The following KIF26B variants were observed in gnomAD, a reference collection of about 807,000 sequenced individuals.
The protein encoded by KIF26B is kinesin-like protein KIF26B.
A neutral mutation model predicts 151.2 loss-of-function variants in KIF26B; 63 were observed. That is an observed-to-expected ratio of 0.42 (90% CI 0.34 to 0.51). KIF26B has a LOEUF of 0.51. Among genes scored for constraint, KIF26B ranks in the 20% least tolerant of loss-of-function variants. The pLI is 0.07. For synonymous variants in KIF26B, 1,357 were observed against 1,262.1 expected, an observed-to-expected ratio of 1.08 and a Z score of -1.59; for missense variants, 2,813 against 2,913.6, an observed-to-expected ratio of 0.97 and a Z score of 0.79.
intron 4 of KIF26B, among the ~76,000 whole-genome samples, chr1:245,539,684 A>G (rs1197707007): frequency 6.6e-6 from 1 of 151,902 alleles, no homozygotes. Flanking sequence ...ACGGAGTCTC[A>G]CTCTGTCACC....
At chr1:245,513,216 C>A (rs561919852) in intron 4 of KIF26B, among the ~76,000 whole-genome samples, 29 of 151,014 alleles carry the variant, frequency 1.9e-4, no homozygotes, top group African/African-American at 5.6e-4. Context: ...GCACCCCCCC[C>A]CAACCCCGCC....
chr1:245,202,715 G>T (rs1215316133), intron 2 of KIF26B, among the ~76,000 whole-genome samples: 1 of 146,266 alleles, frequency 6.8e-6, no homozygotes, highest in Non-Finnish European at 1.5e-5. Context: ...AGCTGAGATC[G>T]CGCTGCTGCA....
At chr1:245,656,771 G>C (rs970653341) in intron 10 of KIF26B, among the ~76,000 whole-genome samples, 2 of 152,094 alleles carry the variant, frequency 1.3e-5, no homozygotes, top group African/African-American at 4.8e-5. Context: ...TTTCACAACT[G>C]GTTCAGGCCC....
intron 2 of KIF26B, among the ~76,000 whole-genome samples, chr1:245,217,316 C>CAAATGACTCTCAA (rs1462813344): frequency 1.5e-4 from 22 of 151,722 alleles, no homozygotes; most frequent in African/African-American, 5.1e-4. Context: ...ATTTGGACAA[C>CAAATGACTCTCAA]AAATGACTCT....
intron 4 of KIF26B, among the ~76,000 whole-genome samples, chr1:245,427,827 C>G (rs1410513587): frequency 6.6e-6 from 1 of 152,186 alleles, no homozygotes; most frequent in East Asian, 1.9e-4. Flanking sequence ...AGATCTCAGT[C>G]TGCCTATTCC....
intron 5 of KIF26B, among the ~76,000 whole-genome samples, chr1:245,576,730 C>T (rs1044151386): frequency 5.3e-5 from 8 of 152,156 alleles, no homozygotes; most frequent in Admixed American, 2.6e-4. Flanking sequence ...CATTTCCACA[C>T]GAATCACCTC....
intron 10 of KIF26B, among the ~76,000 whole-genome samples, chr1:245,665,192 T>C (rs1397801593): frequency 6.6e-6 from 1 of 152,218 alleles, no homozygotes; most frequent in African/African-American, 2.4e-5. Flanking sequence ...GTTTGCAAAT[T>C]TTGTTTTTAA....
rs796241107 is a variant in KIF26B, at chr1:245,241,998, T to C, written c.465+85315T>C. ...TCCTCTGTGCTTTTCATCACACTAT[T>C]TCCTCTGCCTGGAATGTCTGTCTTT... On this transcript the variant is annotated intron_variant, in intron 2 of 14. Transcript: ENST00000407071. This position sits in a 1 kb window ranked among gnomAD's most constrained non-coding sequence, Gnocchi z 5.0. Among the ~76,000 whole-genome samples, 2 of 152,344 alleles carry C rather than the reference T, an allele frequency of 1.3e-5. No individual in the cohort carries two copies. The highest frequency in any genetic ancestry group is 4.8e-5 in the African/African-American group (2 of 41,598).
chr1:245,469,478 C>A (rs1157115838), intron 4 of KIF26B, among the ~76,000 whole-genome samples: 3 of 152,130 alleles, frequency 2.0e-5, no homozygotes, highest in African/African-American at 4.8e-5. Context: ...AGTTGTCAGG[C>A]ATATAGTATG....
chr1:245,542,417 T>C (rs552171508), intron 5 of KIF26B, among the ~76,000 whole-genome samples: 3 of 152,352 alleles, frequency 2.0e-5, no homozygotes, highest in Admixed American at 2.0e-4. Flanking sequence ...GGAGCTTTCC[T>C]TGGTGGTGGG....
intron 5 of KIF26B, among the ~76,000 whole-genome samples, chr1:245,584,690 G>A (rs1407819819): frequency 6.6e-6 from 1 of 152,140 alleles, no homozygotes; most frequent in African/African-American, 2.4e-5. Context: ...GGATTCTATC[G>A]CGGGCAGTTT....
chr1:245,368,840 A>G lies in KIF26B; in HGVS notation c.999+1473A>G, dbSNP rs1673025351. 3.3e-5 allele frequency among the ~76,000 whole-genome samples: 5 copies of G among 152,150 alleles called. No homozygotes were observed. In the South Asian group the frequency reaches 1.0e-3, roughly 32 times the overall value. ...TGCTTACATCTATATTCCAGTGACA[A>G]GAATCCAGTCTTTGCTGGGCGTGGT... is the stretch of plus-strand genomic sequence containing the variant. On this transcript the variant is annotated intron_variant, in intron 3 of 14. Transcript: ENST00000407071.
At chr1:245,660,105 T>C (rs760780024) in intron 10 of KIF26B, among the ~76,000 whole-genome samples, 63 of 151,804 alleles carry the variant, frequency 4.2e-4, no homozygotes, top group Non-Finnish European at 7.8e-4. Flanking sequence ...GCAATAATAA[T>C]AAACACAAGA....
chr1:245,358,698 C>T lies in KIF26B; in HGVS notation c.466-8136C>T, dbSNP rs917538858. 7.2e-5 allele frequency among the ~76,000 whole-genome samples: 11 copies of T among 152,162 alleles called. No individual in the cohort carries two copies. The highest frequency in any genetic ancestry group is 2.4e-4 in the African/African-American group (10 of 41,434). ...GATTGAAAATAATTCCATTTGCTGC[C>T]TGCTGGCACATTAAAGCCTACATGT... On this transcript the variant is annotated intron_variant, in intron 2 of 14. Transcript: ENST00000407071. The surrounding 1 kb of genome is among the most constrained non-coding windows in gnomAD (Gnocchi z 4.1).
At chr1:245,273,446 A>C (rs1670887438) in intron 2 of KIF26B, among the ~76,000 whole-genome samples, 1 of 151,472 alleles carries the variant, frequency 6.6e-6, no homozygotes. Flanking sequence ...AAAAAACCCC[A>C]AAAAACAAAA....
At chr1:245,662,550 TG>T (rs2044162343) in intron 10 of KIF26B, among the ~76,000 whole-genome samples, 2 of 91,916 alleles carry the variant, frequency 2.2e-5, no homozygotes, top group African/African-American at 4.2e-5. Context: ...ACACACCCAA[TG>T]ATATATATAT....
chr1:245,599,527 C>T (rs1174409182), intron 5 of KIF26B, among the ~76,000 whole-genome samples: 4 of 152,312 alleles, frequency 2.6e-5, no homozygotes, highest in African/African-American at 7.2e-5. Flanking sequence ...TGTCAGCCCT[C>T]GCCTGGCTGA....
Position 245,307,327 on chromosome 1 carries a change from C to T in KIF26B, c.466-59507C>T, listed in dbSNP as rs116560533. 3.5e-3 allele frequency among the ~76,000 whole-genome samples: 528 copies of T among 152,250 alleles called. 4 individuals carry two copies. Among genetic ancestry groups the T allele is most frequent in the African/African-American group, 0.012 (501 of 41,546 alleles). On this transcript the variant is annotated intron_variant, in intron 2 of 14. Coordinates refer to ENST00000407071, the MANE Select transcript of KIF26B (RefSeq NM_018012.4). ...GTGAAAACACTTAAATCCATTTCAG[C>T]GAGGAGGAATTGTGATCTGGTAAAT...
intron 2 of KIF26B, among the ~76,000 whole-genome samples, chr1:245,175,728 T>C (rs1289622372): frequency 6.6e-6 from 1 of 152,160 alleles, no homozygotes; most frequent in Non-Finnish European, 1.5e-5. Context: ...ATCTCTTTTA[T>C]TGTAATCATA....
Sources: allele counts gnomAD v4.1 joint callset (sites outside exome capture counted in the v4.1 genomes callset), GRCh38; gene constraint gnomAD v4.1.1; non-coding constraint Gnocchi (gnomAD v3.1); transcripts MANE v1.5; gene names NCBI Gene and HGNC (gene_info 2026-07-23, HGNC 2026-07-21).